Variants in GXYLT1 observed in about 807,000 individuals in gnomAD.
GXYLT1 encodes the protein glucoside xylosyltransferase 1.
A neutral mutation model predicts 54.0 loss-of-function variants in GXYLT1; 29 were observed. The ratio of observed to expected loss-of-function variants is 0.54; its 90% CI spans 0.40 to 0.73. GXYLT1 has a LOEUF of 0.73. Ranked by LOEUF, GXYLT1 falls within the 30% of genes least tolerant of loss-of-function variation. The probability of loss-of-function intolerance (pLI) is 0.00; values close to 1 mark genes in which losing one functional copy is unlikely to be tolerated. For synonymous variants in GXYLT1, 176 were observed against 204.1 expected (o/e 0.86, Z 1.17); for missense variants, 490 against 553.4 (o/e 0.89, Z 1.15).
At chr12:42,128,278 T>C (rs1457936814) in intron 2 of GXYLT1, among the ~76,000 whole-genome samples, 1 of 152,128 alleles carries the variant, frequency 6.6e-6, no homozygotes, top group Non-Finnish European at 1.5e-5. Flanking sequence ...AAAAGATAAA[T>C]ATGTAAGATG....
At chr12:42,093,472 G>A (rs766945114) in intron 7 of GXYLT1, among the ~76,000 whole-genome samples, 7 of 151,924 alleles carry the variant, frequency 4.6e-5, no homozygotes, top group Non-Finnish European at 8.8e-5. Flanking sequence ...ACAATAGCTA[G>A]GAAAACACTG....
chr12:42,126,014 G>A (rs2065559098), intron 2 of GXYLT1, among the ~76,000 whole-genome samples: 1 of 151,706 alleles, frequency 6.6e-6, no homozygotes, highest in African/African-American at 2.4e-5. Context: ...GCGACAAAGT[G>A]AGACTATCTC....
rs2065269601 is a variant in GXYLT1, at chr12:42,083,953, T to A, written c.*3833A>T. 1 of 151,700 alleles carries A rather than the reference T, an allele frequency of 6.6e-6. No homozygotes were observed. Among genetic ancestry groups the A allele is most frequent in the Non-Finnish European group, 1.5e-5 (1 of 68,008 alleles). The allele number at this position is 151,700 out of a possible 1,614,324, so 9.4% of individuals were successfully genotyped here. On this transcript the variant is annotated 3_prime_UTR_variant, in exon 8 of 8. Transcript: ENST00000398675. ...AGGAAGATACTTGTATTTCCACAGG[T>A]CCTAGCTCACAAACTGGGATCCACT...
intron 1 of GXYLT1, among the ~76,000 whole-genome samples, chr12:42,134,797 T>C (rs1458245934): frequency 2.0e-5 from 3 of 152,222 alleles, no homozygotes; most frequent in Non-Finnish European, 4.4e-5. Flanking sequence ...AGTAGAAATA[T>C]AAATTAATTG....
intron 4 of GXYLT1, among the ~76,000 whole-genome samples, chr12:42,109,125 TA>T (rs1218769759): frequency 1.3e-5 from 2 of 152,202 alleles, no homozygotes; most frequent in Non-Finnish European, 2.9e-5. Context: ...TCAGTTACAA[TA>T]GATAAATTGG....
At chr12:42,123,952 G>GAA (rs770173569) in intron 2 of GXYLT1, among the ~76,000 whole-genome samples, 3 of 115,754 alleles carry the variant, frequency 2.6e-5, no homozygotes, top group South Asian at 5.2e-4. Flanking sequence ...CTAAAAGAAA[G>GAA]AAAAAAAAAA....
At chr12:42,126,947 T>C (rs1565578902) in intron 2 of GXYLT1, among the ~76,000 whole-genome samples, 2 of 151,778 alleles carry the variant, frequency 1.3e-5, no homozygotes, top group African/African-American at 4.8e-5. Context: ...AAGCATATGA[T>C]GATATGAATG....
chr12:42,132,673 C>T (rs2065599370), intron 1 of GXYLT1, among the ~76,000 whole-genome samples: 1 of 152,180 alleles, frequency 6.6e-6, no homozygotes, highest in African/African-American at 2.4e-5. Flanking sequence ...AGCTAGAGAG[C>T]ACACCTCAAA....
intron 1 of GXYLT1, among the ~76,000 whole-genome samples, chr12:42,143,807 C>G (rs772661038): frequency 8.5e-5 from 13 of 152,218 alleles, no homozygotes; most frequent in Non-Finnish European, 1.6e-4. Context: ...CAACAACAGA[C>G]TTGAGCACGC....
intron 2 of GXYLT1, among the ~76,000 whole-genome samples, chr12:42,122,558 A>G (rs1266889584): frequency 2.0e-5 from 3 of 152,200 alleles, no homozygotes; most frequent in African/African-American, 4.8e-5. Flanking sequence ...CCATTGCACT[A>G]CAGTCTGGGC....
At chr12:42,132,680 C>T (rs966172660) in intron 1 of GXYLT1, among the ~76,000 whole-genome samples, 1 of 152,174 alleles carries the variant, frequency 6.6e-6, no homozygotes, top group Non-Finnish European at 1.5e-5. Flanking sequence ...GAGCACACCT[C>T]AAACTCCCTG....
In GXYLT1 at chr12:42,086,466, T is replaced by C. The variant is rs952607198; in HGVS notation, c.*1320A>G. On this transcript the variant is annotated 3_prime_UTR_variant, in exon 8 of 8. Coordinates refer to ENST00000398675, the MANE Select transcript of GXYLT1 (RefSeq NM_173601.2). Reference sequence around the variant, plus strand: ...TCCTTCATGATTTTCCATTTTCTACTTGAGCATTAAAATATCAGGGAGAAA... The same window carrying C: ...TCCTTCATGATTTTCCATTTTCTACCTGAGCATTAAAATATCAGGGAGAAA... The C allele has an allele frequency of 7.2e-5, 11 of 152,360 alleles. No individual in the cohort carries two copies. Among genetic ancestry groups the C allele is most frequent in the African/African-American group, 2.4e-4 (10 of 41,586 alleles). 9.4% of individuals were successfully genotyped at this position (152,360 alleles called of 1,614,324 possible).
At position 42,105,980 on chromosome 12, in the gene GXYLT1, C is replaced by A. The variant is rs755907554; in HGVS notation, c.702G>T (p.Lys234Asn). The change falls in exon 5 of 8, where the codon AAG becomes AAT. Residue 234 changes from lysine (K) to asparagine (N), a missense_variant. Lys to Asn is a moderately conservative substitution (Grantham distance 94, BLOSUM62 0). This residue lies in a region of GXYLT1 where 342 missense variants were observed against 342.6 expected (regional missense o/e 1.00). Coordinates refer to ENST00000398675, the MANE Select transcript of GXYLT1 (RefSeq NM_173601.2). Reference protein sequence around the residue: ...RPVDDIWSLLKKFNSTQIAAM... With the variant: ...RPVDDIWSLLNKFNSTQIAAM... ...CAGCAATTTGTGTGGAATTAAATTT[C>A]TTTAGTAAAGACCAAATATCATCAA... 9.3e-6 allele frequency: 15 copies of A among 1,613,606 alleles called. No individual in the cohort carries two copies. In the African/African-American group the frequency reaches 2.0e-4, roughly 22 times the overall value.
At chr12:42,144,282 G>A in intron 1 of GXYLT1, 144 bp downstream of exon 1, 2 of 433,250 alleles carry the variant, frequency 4.6e-6, no homozygotes, top group Non-Finnish European at 7.5e-6. Flanking sequence ...GGCCGGAGGG[G>A]AAGGAGGGAA....
At chr12:42,111,600 C>A (rs2065456741) in intron 3 of GXYLT1, among the ~76,000 whole-genome samples, 1 of 152,196 alleles carries the variant, frequency 6.6e-6, no homozygotes, top group African/African-American at 2.4e-5. Context: ...CTGCCATTGC[C>A]AAGTTAGTTG....
At chr12:42,134,418 C>A (rs1343820192) in intron 1 of GXYLT1, among the ~76,000 whole-genome samples, 2 of 151,794 alleles carry the variant, frequency 1.3e-5, no homozygotes, top group Admixed American at 1.3e-4. Context: ...CTCAAGCTAT[C>A]GTCCTGCCTC....
At chr12:42,119,981 T>G (rs1038081481) in intron 2 of GXYLT1, among the ~76,000 whole-genome samples, 7 of 152,156 alleles carry the variant, frequency 4.6e-5, no homozygotes, top group African/African-American at 1.7e-4. Flanking sequence ...CTCCCAAGAA[T>G]ACATAACTAG....
intron 2 of GXYLT1, among the ~76,000 whole-genome samples, chr12:42,122,877 G>A (rs144321348): frequency 1.3e-5 from 2 of 152,178 alleles, no homozygotes; most frequent in Non-Finnish European, 2.9e-5. Flanking sequence ...TTAACCATGT[G>A]ATCAAACTTA....
intron 1 of GXYLT1, among the ~76,000 whole-genome samples, chr12:42,136,004 T>C (rs1468859667): frequency 6.6e-6 from 1 of 152,242 alleles, no homozygotes; most frequent in Non-Finnish European, 1.5e-5. Flanking sequence ...ACACATGCAC[T>C]AGTGAATACA....
Sources: allele counts gnomAD v4.1 joint callset (sites outside exome capture counted in the v4.1 genomes callset), GRCh38; gene constraint gnomAD v4.1.1; regional missense constraint gnomAD v4.1.1; transcripts MANE v1.5; gene names NCBI Gene and HGNC (gene_info 2026-07-23, HGNC 2026-07-21).